AMOTL1: variants seen among roughly 807,000 people sequenced by gnomAD.
AMOTL1 encodes the protein angiomotin-like protein 1.
Under a neutral mutation model 102.9 loss-of-function variants are expected in AMOTL1, and 45 were observed. The ratio of observed to expected loss-of-function variants is 0.44; its 90% CI spans 0.34 to 0.56. The LOEUF is 0.56. AMOTL1 is among the 20% of genes least tolerant of loss of function. The pLI is 0.01. For synonymous variants in AMOTL1, 481 were observed against 484.7 expected, an observed-to-expected ratio of 0.99 and a Z score of 0.10; for missense variants, 1,114 against 1,225.6, an observed-to-expected ratio of 0.91 and a Z score of 1.36.
At position 94,870,723 on chromosome 11, in the gene AMOTL1, C is replaced by G; in HGVS notation, c.2799C>G (p.His933Gln). The G allele has an allele frequency of 3.7e-6, 6 of 1,604,526 alleles. No homozygotes were observed. Among genetic ancestry groups the G allele is most frequent in the Non-Finnish European group, 5.1e-6 (6 of 1,174,768 alleles). ...NSPGHGKSPD[H>Q]RGRVSSLLHK... ...CTGGCCATGGGAAGTCGCCTGACCA[C>G]AGAGGCCGGGTCAGCAGCTTGCTGC... is the stretch of plus-strand genomic sequence containing the variant. The change falls in exon 13 of 13, where the codon CAC (histidine) becomes CAG (glutamine). Residue 933 changes from histidine to glutamine, a missense_variant. His to Gln is a conservative substitution (Grantham distance 24). Coordinates refer to ENST00000433060, the MANE Select transcript of AMOTL1 (RefSeq NM_130847.3).
At chr11:94,828,653 A>G (rs1952014586) in intron 4 of AMOTL1, among the ~76,000 whole-genome samples, 3 of 152,290 alleles carry the variant, frequency 2.0e-5, no homozygotes, top group African/African-American at 7.2e-5. Flanking sequence ...TTATTTCTGT[A>G]TCGTTGGCAT....
At position 94,768,552 on chromosome 11, in the gene AMOTL1, C is replaced by T. The variant is rs868858615; in HGVS notation, c.41C>T (p.Ala14Val). The part of the protein sequence containing the change: ...AKLRRGTCEP[A>V]VKGSPSACYS... The stretch of plus-strand genomic sequence containing the variant: ...TTGCGCCGGGGAACTTGTGAGCCTG[C>T]GGTGAAAGGTAACCAGCCCCCACTC... The change falls in exon 1 of 13, where the codon GCG (alanine) becomes GTG (valine). Residue 14 changes from alanine to valine, a missense_variant. Transcript: ENST00000433060. The T allele has an allele frequency of 1.3e-6, 2 of 1,597,292 alleles. No homozygotes were observed. Among genetic ancestry groups the T allele is most frequent in the East Asian group, 2.3e-5 (1 of 43,850 alleles).
intron 3 of AMOTL1, among the ~76,000 whole-genome samples, chr11:94,753,082 T>C (rs1165671749): frequency 6.6e-6 from 1 of 152,194 alleles, no homozygotes; most frequent in African/African-American, 2.4e-5. Flanking sequence ...GACTGAGTAT[T>C]TGCTGTGAAC....
In AMOTL1 at chr11:94,876,637, A is replaced by G. The variant is rs1204370587; in HGVS notation, c.*5842A>G. 6.6e-6 allele frequency: 1 copy of G among 152,624 alleles called. No individual in the cohort carries two copies. The highest frequency in any genetic ancestry group is 1.5e-5 in the Non-Finnish European group (1 of 68,044). 9.5% of individuals were successfully genotyped at this position (152,624 alleles called of 1,614,324 possible). A position where few individuals can be genotyped will look rare whatever the true frequency, so the allele number is the denominator to read the frequency against. On this transcript the variant is annotated 3_prime_UTR_variant, in exon 13 of 13. Transcript: ENST00000433060. ...TTGCTGCTTAAACTTGTGCCTTAAT[A>G]TTGTACATAATAAATGGATAAAATG... is the stretch of plus-strand genomic sequence containing the variant.
chr11:94,822,176 G>A (rs1253818764), intron 4 of AMOTL1, among the ~76,000 whole-genome samples: 2 of 152,138 alleles, frequency 1.3e-5, no homozygotes, highest in African/African-American at 2.4e-5. Context: ...GGCCATGCGC[G>A]GTGGTCCATG....
At chr11:94,870,608 C>T (rs566145622) in intron 12 of AMOTL1, 81 bp from the exon 13 acceptor site, 132 of 1,056,716 alleles carry the variant, frequency 1.2e-4, no homozygotes, top group South Asian at 7.8e-4. Flanking sequence ...TGGTATCGGA[C>T]GTGGGTCCAT....
In AMOTL1 at chr11:94,821,917, C is replaced by T. The variant is rs576018656; in HGVS notation, c.1413+96C>T. 1.0e-4 allele frequency: 148 copies of T among 1,479,616 alleles called. 1 individual carries two copies. In the South Asian group the frequency reaches 1.8e-3, roughly 18 times the overall value. The allele number at this position is 1,479,616 out of a possible 1,614,324, so 91.7% of individuals were successfully genotyped here. On this transcript the variant is annotated intron_variant, in intron 4 of 12. Transcript: ENST00000433060. ...CTGACTTGCCAACATTGCAGTAGAC[C>T]CCTTTTTATACTAGGCCCTGTGCAA...
chr11:94,756,581 G>T (rs553393017), intron 3 of AMOTL1, among the ~76,000 whole-genome samples: 32 of 152,230 alleles, frequency 2.1e-4, no homozygotes, highest in Non-Finnish European at 4.0e-4. Flanking sequence ...CCCACAATTG[G>T]GTGACCAACT....
Position 94,731,051 on chromosome 11 carries a change from G to A in AMOTL1, c.85+1996G>A, listed in dbSNP as rs145605828. On this transcript the variant is annotated intron_variant, in intron 2 of 4. Coordinates refer to the AMOTL1 transcript ENST00000299004. ...TCCAAGCTCTGTCTTATCCTTCTGT[G>A]AGTTTACCATGTCATCTATCTGCAA... Among the ~76,000 whole-genome samples, 4 of 152,316 alleles carry A rather than the reference G, an allele frequency of 2.6e-5. No homozygotes were observed. The East Asian group carries it at 7.7e-4, about 29-fold the overall frequency.
chr11:94,849,156 C>T (rs333012), intron 6 of AMOTL1, among the ~76,000 whole-genome samples: 21,728 of 152,078 alleles, frequency 0.14, 3,470 homozygotes, highest in African/African-American at 0.39. Flanking sequence ...CTGTTTTCAA[C>T]AAGGAGACTT....
In AMOTL1 at chr11:94,873,958, C is replaced by G. The variant is rs932535999; in HGVS notation, c.*3163C>G. 6.6e-6 allele frequency: 1 copy of G among 152,232 alleles called. No homozygotes were observed. Among genetic ancestry groups the G allele is most frequent in the Non-Finnish European group, 1.5e-5 (1 of 68,050 alleles). The allele number at this position is 152,232 out of a possible 1,614,324, so 9.4% of individuals were successfully genotyped here. A position where few individuals can be genotyped will look rare whatever the true frequency, so the allele number is the denominator to read the frequency against. On this transcript the variant is annotated 3_prime_UTR_variant, in exon 13 of 13. Transcript: ENST00000433060. ...TACCTAAAAAATATTTCTGCACTTC[C>G]CAGAGACCTGGACTTCAAACTTTCC...
intron 3 of AMOTL1, among the ~76,000 whole-genome samples, chr11:94,760,566 C>T (rs1380518100): frequency 6.6e-6 from 1 of 152,204 alleles, no homozygotes; most frequent in Non-Finnish European, 1.5e-5. Context: ...CTTTATGTGG[C>T]CAAACCTTCC....
chr11:94,738,089 G>A (rs909392494), intron 2 of AMOTL1, among the ~76,000 whole-genome samples: 2 of 152,144 alleles, frequency 1.3e-5, no homozygotes, highest in African/African-American at 2.4e-5. Context: ...ACATAAATGG[G>A]ATCTGATCCA....
chr11:94,730,066 C>G (rs901681664), intron 2 of AMOTL1, among the ~76,000 whole-genome samples: 2 of 152,174 alleles, frequency 1.3e-5, no homozygotes, highest in Non-Finnish European at 2.9e-5. Flanking sequence ...CACCCAAAAA[C>G]CAACTGTCAT....
intron 4 of AMOTL1, among the ~76,000 whole-genome samples, chr11:94,826,516 C>T (rs958966481): frequency 5.3e-5 from 8 of 152,014 alleles, no homozygotes; most frequent in South Asian, 2.1e-4. Flanking sequence ...AGGGCTTTTA[C>T]GCTGTGTCAC....
chr11:94,777,940 A>G (rs1333024694), intron 1 of AMOTL1, among the ~76,000 whole-genome samples: 1 of 152,202 alleles, frequency 6.6e-6, no homozygotes, highest in Non-Finnish European at 1.5e-5. Flanking sequence ...AGGGTCTGTC[A>G]TGTGCCAGGA....
At chr11:94,861,302 T>TGG (rs1952770189) in intron 9 of AMOTL1, among the ~76,000 whole-genome samples, 1 of 152,118 alleles carries the variant, frequency 6.6e-6, no homozygotes, top group Admixed American at 6.5e-5. Context: ...TTTGAAACAT[T>TGG]GGTTGATTTT....
intron 3 of AMOTL1, among the ~76,000 whole-genome samples, chr11:94,804,622 T>A (rs1029054572): frequency 3.9e-5 from 6 of 152,244 alleles, no homozygotes; most frequent in African/African-American, 1.4e-4. Context: ...TTGAATTTGT[T>A]ATAACTGGCT....
chr11:94,770,589 C>T (rs1023737420), intron 1 of AMOTL1, among the ~76,000 whole-genome samples: 4 of 152,130 alleles, frequency 2.6e-5, no homozygotes, highest in African/African-American at 7.2e-5. Context: ...GTACCTGTAA[C>T]GCCCCTTTCC....
Sources: gnomAD v4.1 joint callset for allele counts (sites outside exome capture counted in the v4.1 genomes callset) on GRCh38, gnomAD v4.1.1 for gene constraint, MANE v1.5 for transcripts, NCBI Gene and HGNC (gene_info 2026-07-23, HGNC 2026-07-21) for gene names.